The following PPHLN1 variants were observed in gnomAD, a reference collection of about 807,000 sequenced individuals.
PPHLN1 encodes periphilin-1.
A neutral mutation model predicts 51.3 loss-of-function variants in PPHLN1; 29 were observed. The ratio of observed to expected loss-of-function variants is 0.57; its 90% CI spans 0.42 to 0.77. The LOEUF is 0.77. Among genes scored for constraint, PPHLN1 ranks in the 30% least tolerant of loss-of-function variants. The pLI, the probability that PPHLN1 is intolerant of heterozygous loss-of-function variation, is 0.00. For synonymous variants in PPHLN1, 147 were observed against 147.8 expected (o/e 0.99, Z 0.04); for missense variants, 436 against 438.4 (o/e 0.99, Z 0.05).
In PPHLN1 at chr12:42,335,840, T is replaced by G. The variant is rs17091078; in HGVS notation, c.-20-43T>G. ...TTTACTCCTTCCTTACCTTTTCTGT[T>G]ACTTCCTAGTATAAAATCCATAATT... On this transcript the variant is annotated intron_variant, in intron 1 of 9. Transcript: ENST00000358314. 4,563 of 1,154,318 alleles carry G rather than the reference T, an allele frequency of 4.0e-3. 157 individuals are homozygous for G. In the East Asian group the frequency reaches 0.071, roughly 18 times the overall value. The allele number at this position is 1,154,318 out of a possible 1,614,324, so 71.5% of individuals were successfully genotyped here.
intron 2 of PPHLN1, among the ~76,000 whole-genome samples, chr12:42,339,207 T>C (rs142075209): frequency 7.2e-4 from 110 of 152,348 alleles, no homozygotes; most frequent in African/African-American, 2.2e-3. Flanking sequence ...GTTTTTCTCT[T>C]TTTGAGAGCA....
chr12:42,382,210 G>C (rs780176722), intron 5 of PPHLN1, among the ~76,000 whole-genome samples: 1 of 152,202 alleles, frequency 6.6e-6, no homozygotes, highest in Non-Finnish European at 1.5e-5. Context: ...AACTCTTGCA[G>C]AACTTCCTGA....
chr12:42,427,488 T>C (rs1276706828), intron 9 of PPHLN1, among the ~76,000 whole-genome samples: 1 of 152,120 alleles, frequency 6.6e-6, no homozygotes, highest in Non-Finnish European at 1.5e-5. Flanking sequence ...CAACTGATCT[T>C]CGACAAAGCA....
At chr12:42,355,346 A>C in intron 4 of PPHLN1, 124 bp downstream of exon 4, 1 of 787,608 alleles carries the variant, frequency 1.3e-6, no homozygotes, top group Non-Finnish European at 2.1e-6. Context: ...TTTTGAAAGC[A>C]ACAAGCATTA....
At chr12:42,425,042 G>GTATGTATA (rs140444172) in intron 9 of PPHLN1, among the ~76,000 whole-genome samples, 25,090 of 143,720 alleles carry the variant, frequency 0.17, 2,189 homozygotes, top group African/African-American at 0.23. Context: ...TTTATTTTAT[G>GTATGTATA]TATGTATGTA....
At chr12:42,385,542 T>G (rs183194367) in intron 6 of PPHLN1, among the ~76,000 whole-genome samples, 94 of 152,312 alleles carry the variant, frequency 6.2e-4, no homozygotes, top group African/African-American at 2.1e-3. Flanking sequence ...AAGGAAACAC[T>G]AAGCAAAAGA....
intron 5 of PPHLN1, among the ~76,000 whole-genome samples, chr12:42,378,084 ATCTTTCTCTTTCTTTCTTTCTT>A (rs1450595800): frequency 6.4e-5 from 8 of 124,926 alleles, no homozygotes; most frequent in African/African-American, 2.5e-4. Context: ...CTATCTATCT[ATCTTTCTCTTTCTTTCTTTCTT>A]TCTTTCTTTC....
At chr12:42,331,720 T>C (rs1156573523) in intron 1 of PPHLN1, 1 of 152,234 alleles carries the variant, frequency 6.6e-6, no homozygotes, top group Admixed American at 6.5e-5. Context: ...CTTTGCCTAA[T>C]TGTGATGTAG....
chr12:42,446,327 C>T (rs771853745), downstream of PPHLN1: 1 of 1,541,404 alleles, frequency 6.5e-7, no homozygotes, highest in South Asian at 1.3e-5. Flanking sequence ...TTGCCTGTTA[C>T]CCGTACCTAC....
intron 4 of PPHLN1, among the ~76,000 whole-genome samples, chr12:42,374,459 T>G (rs2076065961): frequency 6.6e-6 from 1 of 152,042 alleles, no homozygotes; most frequent in Non-Finnish European, 1.5e-5. Flanking sequence ...TCTTTATTTT[T>G]GAGACAGTCT....
In PPHLN1 at chr12:42,337,003, G is replaced by GA. The variant is rs1325984152; in HGVS notation, c.72+1035dup. 2.0e-5 allele frequency among the ~76,000 whole-genome samples: 3 copies of GA among 152,002 alleles called. No individual in the cohort carries two copies. In the East Asian group the frequency reaches 5.8e-4, roughly 29 times the overall value. ...GGTTGATTTAAAATGATTTAAGATG[G>GA]AAAAAATAAAGATGCCCATTATACT... On this transcript the variant is annotated intron_variant, in intron 2 of 9. Coordinates refer to ENST00000358314, the MANE Select transcript of PPHLN1 (RefSeq NM_201439.2).
chr12:42,348,276 A>ATTTTTTTTTTTTTT (rs1213561958), intron 2 of PPHLN1, among the ~76,000 whole-genome samples: 24 of 85,600 alleles, frequency 2.8e-4, no homozygotes, highest in African/African-American at 1.2e-3. Context: ...CACCTGGCTA[A>ATTTTTTTTTTTTTT]TTTTTTTTTT....
At chr12:42,337,260 C>CT (rs2070795300) in intron 2 of PPHLN1, among the ~76,000 whole-genome samples, 1 of 143,060 alleles carries the variant, frequency 7.0e-6, no homozygotes. Context: ...TTTTTTTTTT[C>CT]TTTTTTCTTT....
intron 4 of PPHLN1, among the ~76,000 whole-genome samples, chr12:42,368,283 T>C (rs2075465717): frequency 6.6e-6 from 1 of 152,124 alleles, no homozygotes. Flanking sequence ...ACATTTAGCT[T>C]TTCAATTCAC....
chr12:42,429,584 T>A (rs1275573096), intron 9 of PPHLN1, among the ~76,000 whole-genome samples: 1 of 152,250 alleles, frequency 6.6e-6, no homozygotes, highest in Non-Finnish European at 1.5e-5. Flanking sequence ...TTTATGGCAT[T>A]TACCATATTC....
intron 4 of PPHLN1, among the ~76,000 whole-genome samples, chr12:42,363,446 A>ATTT (rs11402998): frequency 2.7e-5 from 4 of 148,844 alleles, no homozygotes; most frequent in Admixed American, 6.7e-5. Flanking sequence ...TACTCTAGCT[A>ATTT]TTTTTTTTTC....
At chr12:42,393,426 G>A (rs1438259256) in intron 7 of PPHLN1, 144 bp from the exon 8 acceptor site, 2 of 723,830 alleles carry the variant, frequency 2.8e-6, no homozygotes, top group African/African-American at 1.8e-5. Flanking sequence ...GAATATTTTT[G>A]AAGGAGGAAA....
At chr12:42,354,504 C>T (rs1171395568) in intron 3 of PPHLN1, among the ~76,000 whole-genome samples, 1 of 152,166 alleles carries the variant, frequency 6.6e-6, no homozygotes, top group East Asian at 1.9e-4. Flanking sequence ...GCCACTGCGC[C>T]TGGCCAATTC....
intron 9 of PPHLN1, among the ~76,000 whole-genome samples, chr12:42,424,456 A>C (rs1307842797): frequency 6.6e-6 from 1 of 152,144 alleles, no homozygotes; most frequent in Non-Finnish European, 1.5e-5. Context: ...GGTAATGTCA[A>C]CATCAAACCA....
Sources: allele counts gnomAD v4.1 joint callset (sites outside exome capture counted in the v4.1 genomes callset), GRCh38; gene constraint gnomAD v4.1.1; transcripts MANE v1.5; gene names NCBI Gene and HGNC (gene_info 2026-07-23, HGNC 2026-07-21).